Variants in WASF3 observed in about 807,000 individuals in gnomAD.
The protein encoded by WASF3 is WASP family member 3.
WASF3 carries 11 observed loss-of-function variants against 46.6 expected under a neutral mutation model. The ratio of observed to expected loss-of-function variants is 0.24; its 90% CI spans 0.15 to 0.39. The LOEUF is 0.39. Ranked by LOEUF, WASF3 falls within the 10% of genes least tolerant of loss-of-function variation. WASF3 has a pLI of 1.00. For synonymous variants in WASF3, 242 were observed against 259.7 expected (o/e 0.93, Z 0.65); for missense variants, 576 against 669.8 (o/e 0.86, Z 1.55).
chr13:26,647,061 C>T (rs1164793724), intron 3 of WASF3, among the ~76,000 whole-genome samples: 1 of 152,178 alleles, frequency 6.6e-6, no homozygotes, highest in Non-Finnish European at 1.5e-5. Context: ...TCAGACACTT[C>T]ACTTCAAGGG....
In WASF3 at chr13:26,676,751, C is replaced by T. The variant is rs568375107; in HGVS notation, c.716+27C>T. 39 of 1,586,812 alleles carry T rather than the reference C, an allele frequency of 2.5e-5. No homozygotes were observed. In the South Asian group the frequency reaches 3.9e-4, roughly 16 times the overall value. Reference sequence around the variant, plus strand: ...TGTGTGTGTGTCACTGCTCCCTCAGCCCTGATGCTTGGGCAACTGGGTACT... The same window carrying T: ...TGTGTGTGTGTCACTGCTCCCTCAGTCCTGATGCTTGGGCAACTGGGTACT... On this transcript the variant is annotated intron_variant, in intron 7 of 9. Transcript: ENST00000335327.
At chr13:26,569,965 A>C (rs1157221717) in intron 1 of WASF3, among the ~76,000 whole-genome samples, 2 of 152,196 alleles carry the variant, frequency 1.3e-5, no homozygotes, top group Non-Finnish European at 2.9e-5. Context: ...GTTTTTCCTT[A>C]AATGTGGTTT....
At chr13:26,678,725 T>G (rs980274740) in intron 7 of WASF3, among the ~76,000 whole-genome samples, 3 of 152,210 alleles carry the variant, frequency 2.0e-5, no homozygotes, top group African/African-American at 7.2e-5. Flanking sequence ...CGCTGGGAAG[T>G]GCTTGCCTGC....
chr13:26,682,368 T>C lies in WASF3; in HGVS notation c.984-239T>C, dbSNP rs1168737656. Among the ~76,000 whole-genome samples the C allele has an allele frequency of 6.6e-6, 1 of 152,222 alleles. No homozygotes were observed. Among genetic ancestry groups the C allele is most frequent in the South Asian group, 2.1e-4 (1 of 4,824 alleles). On this transcript the variant is annotated intron_variant, in intron 8 of 9. Transcript: ENST00000335327. The surrounding 1 kb of genome is among the most constrained non-coding windows in gnomAD (Gnocchi z 4.4). The stretch of plus-strand genomic sequence containing the variant: ...GCCTTTCTTCAGGAAGTGCTGCACT[T>C]TTTGAGTGGTCCTCCTTTTGGCACA...
rs1883217396 is a variant in WASF3 at position 26,681,190 on chromosome 13, G to A, written c.853G>A (p.Glu285Lys). 1 of 1,614,016 alleles carries A rather than the reference G, an allele frequency of 6.2e-7. No individual in the cohort carries two copies. The highest frequency in any genetic ancestry group is 1.7e-5 in the Admixed American group (1 of 60,008). The change falls in exon 8 of 10, where the codon GAG (glutamate) becomes AAG (lysine). Residue 285 changes from glutamate (E) to lysine (K), a missense_variant. Glu to Lys is a moderately conservative substitution (Grantham distance 56). Around this residue, in one of 3 missense-constraint regions of WASF3, gnomAD observed 295 missense variants for 291.5 expected, o/e 1.01. Transcript: ENST00000335327. ...HGPASQAAEHEYRPPSASARH... is the reference protein window; with the variant it reads ...HGPASQAAEHKYRPPSASARH... Reference sequence around the variant, plus strand: ...GCCTGCAAGCCAGGCTGCGGAGCATGAGTACCGGCCCCCATCTGCCTCGGC... The same window carrying A: ...GCCTGCAAGCCAGGCTGCGGAGCATAAGTACCGGCCCCCATCTGCCTCGGC...
intron 2 of WASF3, among the ~76,000 whole-genome samples, chr13:26,639,303 G>C (rs546806509): frequency 6.6e-6 from 1 of 152,180 alleles, no homozygotes; most frequent in Non-Finnish European, 1.5e-5. Context: ...TAATGAACAT[G>C]AGAAATGAAG....
rs565160050 is a variant in WASF3 at position 26,593,566 on chromosome 13, T to A, written c.-108-19395T>A. Among the ~76,000 whole-genome samples the A allele has an allele frequency of 1.8e-4, 28 of 152,366 alleles. No individual in the cohort carries two copies. In the South Asian group the frequency reaches 4.3e-3, roughly 24 times the overall value. Reference sequence around the variant, plus strand: ...TTGATAATATTCTTTTGTCACTGTTTTGTGTGCCTTAGCATTTATTTCATG... The same window carrying A: ...TTGATAATATTCTTTTGTCACTGTTATGTGTGCCTTAGCATTTATTTCATG... On this transcript the variant is annotated intron_variant, in intron 1 of 9. Coordinates refer to ENST00000335327, the MANE Select transcript of WASF3 (RefSeq NM_006646.6).
chr13:26,682,991 G>GAC lies in WASF3; in HGVS notation c.1351+23_1351+24dup, dbSNP rs747640823. 6.3e-7 allele frequency: 1 copy of GAC among 1,589,968 alleles called. No homozygotes were observed. ...TTCGAATGGGTAAGTGGAGCCCCCA[G>GAC]ACACACAGCCTGCCTTTCAGCAAGA... On this transcript the variant is annotated intron_variant, in intron 9 of 9. Coordinates refer to ENST00000335327, the MANE Select transcript of WASF3 (RefSeq NM_006646.6). This position sits in a 1 kb window ranked among gnomAD's most constrained non-coding sequence, Gnocchi z 4.4.
intron 3 of WASF3, among the ~76,000 whole-genome samples, chr13:26,650,214 G>A (rs760321676): frequency 1.8e-4 from 27 of 152,244 alleles, no homozygotes; most frequent in Non-Finnish European, 3.1e-4. Context: ...CCTTCTGGTC[G>A]TCCTGCCTAA....
chr13:26,543,208 A>C, the WASF3 span, among the ~76,000 whole-genome samples: 1 of 152,100 alleles, frequency 6.6e-6, no homozygotes, highest in African/African-American at 2.4e-5. Flanking sequence ...GTCTTTGTTT[A>C]TCTGGAAGCA....
intron 1 of WASF3, among the ~76,000 whole-genome samples, chr13:26,584,960 A>G (rs1348638313): frequency 6.6e-6 from 1 of 152,214 alleles, no homozygotes; most frequent in Non-Finnish European, 1.5e-5. Context: ...AGGGAGTGGA[A>G]GAATACAGCC....
intron 3 of WASF3, 144 bp downstream of exon 3, chr13:26,642,547 AC>A: frequency 9.9e-7 from 1 of 1,006,878 alleles, no homozygotes; most frequent in Non-Finnish European, 1.4e-6. Context: ...TATGAAATTG[AC>A]CACTGCACCT....
intron 2 of WASF3, among the ~76,000 whole-genome samples, chr13:26,617,705 A>G (rs1566052413): frequency 6.6e-6 from 1 of 152,216 alleles, no homozygotes; most frequent in African/African-American, 2.4e-5. Context: ...AAAATTCTTG[A>G]CAGTGCATGG....
chr13:26,645,543 G>T (rs1882125022), intron 3 of WASF3, among the ~76,000 whole-genome samples: 1 of 151,848 alleles, frequency 6.6e-6, no homozygotes, highest in Non-Finnish European at 1.5e-5. Flanking sequence ...ATTATATCTC[G>T]TATCAGGTAC....
At chr13:26,590,704 C>T (rs143217636) in intron 1 of WASF3, among the ~76,000 whole-genome samples, 8 of 152,282 alleles carry the variant, frequency 5.3e-5, no homozygotes, top group Admixed American at 5.2e-4. Context: ...ATGCCACATA[C>T]ACTTTTTATC....
rs34235035 is a variant in WASF3, at chr13:26,647,764, GA to G, written c.133+5372del. ...AGTTAGAAATTTAGTGAGCCCTGCC[GA>G]AAAAAAAAAATTTGGCGACATTAAT... On this transcript the variant is annotated intron_variant, in intron 3 of 9. Coordinates refer to ENST00000335327, the MANE Select transcript of WASF3 (RefSeq NM_006646.6). Among the ~76,000 whole-genome samples, 154 of 143,450 alleles carry G rather than the reference GA, an allele frequency of 1.1e-3. 1 individual carries two copies. The highest frequency in any genetic ancestry group is 2.1e-3 in the Admixed American group (30 of 14,476). 94.1% of individuals were successfully genotyped at this position (143,450 alleles called of 152,430 possible).
At chr13:26,577,347 A>G (rs895897583) in intron 1 of WASF3, 23 of 762,858 alleles carry the variant, frequency 3.0e-5, no homozygotes, top group Non-Finnish European at 5.3e-5. Context: ...AAAACCTTTT[A>G]TGCTCAGCAC....
At chr13:26,617,989 C>G (rs1214466931) in intron 2 of WASF3, among the ~76,000 whole-genome samples, 1 of 152,086 alleles carries the variant, frequency 6.6e-6, no homozygotes, top group Admixed American at 6.6e-5. Flanking sequence ...GGTAAGTTTC[C>G]TGAGGCCTCC....
chr13:26,610,101 C>G (rs1880924579), intron 1 of WASF3, among the ~76,000 whole-genome samples: 2 of 152,196 alleles, frequency 1.3e-5, no homozygotes, highest in Non-Finnish European at 1.5e-5. Flanking sequence ...ATTTGGACAG[C>G]ACTACCTCAG....
Sources: gnomAD v4.1 joint callset for allele counts (sites outside exome capture counted in the v4.1 genomes callset) on GRCh38, gnomAD v4.1.1 for gene constraint, gnomAD v4.1.1 regional missense constraint, Gnocchi (gnomAD v3.1) non-coding constraint, MANE v1.5 for transcripts, NCBI Gene and HGNC (gene_info 2026-07-23, HGNC 2026-07-21) for gene names.